Variants in CACNG3 observed in about 807,000 individuals in gnomAD.
The protein encoded by CACNG3 is voltage-dependent calcium channel gamma-3 subunit.
A neutral mutation model predicts 28.5 loss-of-function variants in CACNG3; 3 were observed. The ratio of observed to expected loss-of-function variants is 0.11; its 90% CI spans 0.05 to 0.27. The LOEUF is 0.27. Among genes scored for constraint, CACNG3 ranks in the 10% least tolerant of loss-of-function variants. The pLI is 1.00. For missense variants in CACNG3, 236 were observed against 414.4 expected (o/e 0.57, Z 3.74); for synonymous variants, 174 against 162.2 (o/e 1.07, Z -0.55).
intron 1 of CACNG3, among the ~76,000 whole-genome samples, chr16:24,341,936 G>A (rs560781989): frequency 8.5e-5 from 13 of 152,318 alleles, no homozygotes; most frequent in East Asian, 1.9e-4. Flanking sequence ...GAGAAACTGC[G>A]AATCAGTTTT....
chr16:24,333,915 C>T (rs1052682586), intron 1 of CACNG3, among the ~76,000 whole-genome samples: 4 of 152,120 alleles, frequency 2.6e-5, no homozygotes, highest in Non-Finnish European at 4.4e-5. Context: ...GTAAGAATCC[C>T]TGGGAGCAGA....
At chr16:24,302,417 C>T (rs1287848304) in intron 1 of CACNG3, among the ~76,000 whole-genome samples, 2 of 152,104 alleles carry the variant, frequency 1.3e-5, no homozygotes, top group African/African-American at 4.8e-5. Flanking sequence ...ACGGAGTCAG[C>T]ATCTGCCATC....
intron 1 of CACNG3, among the ~76,000 whole-genome samples, chr16:24,316,768 T>C (rs1381724065): frequency 6.6e-6 from 1 of 152,176 alleles, no homozygotes. Context: ...GCCCAGTTAA[T>C]CTGGCTTCCC....
chr16:24,331,040 A>G (rs1899625007), intron 1 of CACNG3, among the ~76,000 whole-genome samples: 2 of 151,978 alleles, frequency 1.3e-5, no homozygotes, highest in Admixed American at 1.3e-4. Flanking sequence ...CTCTCTCTGT[A>G]CCCCTGCTTT....
chr16:24,317,608 AAGAAAGAAAGAAAGAAAGAC>A (rs1331767949), intron 1 of CACNG3, among the ~76,000 whole-genome samples: 2 of 73,474 alleles, frequency 2.7e-5, no homozygotes, highest in African/African-American at 1.3e-4. Context: ...GAAAGAAAGA[AAGAAAGAAAGAAAGAAAGAC>A]AGACAGAAAG....
chr16:24,271,949 C>A (rs1898696541), intron 1 of CACNG3, among the ~76,000 whole-genome samples: 1 of 152,152 alleles, frequency 6.6e-6, no homozygotes, highest in Non-Finnish European at 1.5e-5. Flanking sequence ...CAGGGGAGAA[C>A]TGACCTCTTC....
intron 1 of CACNG3, among the ~76,000 whole-genome samples, chr16:24,292,980 A>G (rs887134847): frequency 2.6e-5 from 4 of 152,248 alleles, no homozygotes; most frequent in African/African-American, 9.6e-5. Context: ...GGCAGCAGAC[A>G]GAAAATGAGA....
intron 1 of CACNG3, among the ~76,000 whole-genome samples, chr16:24,267,491 C>A (rs1898628913): frequency 6.6e-6 from 1 of 152,024 alleles, no homozygotes; most frequent in Non-Finnish European, 1.5e-5. Context: ...TCTTGCTATG[C>A]AGGCCAGGAT....
rs1049781286 is a variant in CACNG3, at chr16:24,362,042, C to A, written c.*179C>A. 5 of 563,158 alleles carry A rather than the reference C, an allele frequency of 8.9e-6. No individual in the cohort carries two copies. The highest frequency in any genetic ancestry group is 7.5e-5 in the African/African-American group (4 of 53,512). The allele number at this position is 563,158 out of a possible 1,614,324, so 34.9% of individuals were successfully genotyped here. ...ACCCTCCAAGTCCTAACCCCTCCAT[C>A]CTCTCTAACTTTTCAAGCCAATCCC... On this transcript the variant is annotated 3_prime_UTR_variant, in exon 4 of 4. Coordinates refer to ENST00000005284, the MANE Select transcript of CACNG3 (RefSeq NM_006539.4).
chr16:24,331,427 C>T (rs552589423), intron 1 of CACNG3, among the ~76,000 whole-genome samples: 1 of 152,328 alleles, frequency 6.6e-6, no homozygotes, highest in African/African-American at 2.4e-5. Flanking sequence ...CTCGAAGAGG[C>T]ATACCTCTGT....
chr16:24,306,812 C>T (rs926263198), intron 1 of CACNG3, among the ~76,000 whole-genome samples: 3 of 152,166 alleles, frequency 2.0e-5, no homozygotes, highest in Admixed American at 1.3e-4. Context: ...GCCTCACCCC[C>T]ATTTTACAGA....
intron 1 of CACNG3, among the ~76,000 whole-genome samples, chr16:24,261,324 G>A (rs969951557): frequency 1.3e-5 from 2 of 152,154 alleles, no homozygotes; most frequent in Admixed American, 6.5e-5. Flanking sequence ...GTGGCAAACT[G>A]GAAAACACAA....
chr16:24,342,801 A>AT (rs1271647615), intron 1 of CACNG3, among the ~76,000 whole-genome samples: 4 of 151,166 alleles, frequency 2.6e-5, no homozygotes, highest in East Asian at 1.9e-4. Context: ...TATTCTTTCG[A>AT]TTTTTTTTTC....
intron 1 of CACNG3, among the ~76,000 whole-genome samples, chr16:24,306,740 C>G (rs963983070): frequency 2.0e-5 from 3 of 152,140 alleles, no homozygotes; most frequent in Admixed American, 6.5e-5. Context: ...CACTGCCATG[C>G]TAGAGATTCA....
chr16:24,361,760 C>T lies in CACNG3; in HGVS notation c.845C>T (p.Ser282Phe). The change falls in exon 4 of 4, where the codon TCC (serine) becomes TTC (phenylalanine). Residue 282 changes from serine (S) to phenylalanine (F), a missense_variant. By Grantham distance (155) the Ser-to-Phe change is radical (BLOSUM62 -2). Transcript: ENST00000005284. The surrounding 1 kb of genome is among the most constrained non-coding windows in gnomAD (Gnocchi z 6.8). ...ATCACCATGGGGACCCTCCTCAACT[C>T]CGACCGGGACCACGCTTTTCTACAG... ...SKITMGTLLN[S>F]DRDHAFLQFH... The T allele has an allele frequency of 6.2e-7, 1 of 1,614,102 alleles. No individual in the cohort carries two copies. The highest frequency in any genetic ancestry group is 1.1e-5 in the South Asian group (1 of 91,074).
In CACNG3 at chr16:24,345,020, G is replaced by A. The variant is rs1899842327; in HGVS notation, c.212-1714G>A. On this transcript the variant is annotated intron_variant, in intron 1 of 3. Coordinates refer to ENST00000005284, the MANE Select transcript of CACNG3 (RefSeq NM_006539.4). ...CTAATAGCCTCTACCTCCTGGGGTG[G>A]TAAACAAGGGTAAATGAGATAAGGG... is the stretch of plus-strand genomic sequence containing the variant. Among the ~76,000 whole-genome samples the A allele has an allele frequency of 4.6e-5, 7 of 152,128 alleles. No individual in the cohort carries two copies. The South Asian group carries it at 1.4e-3, about 32-fold the overall frequency.
intron 1 of CACNG3, among the ~76,000 whole-genome samples, chr16:24,271,141 G>A (rs911603036): frequency 6.6e-6 from 1 of 152,190 alleles, no homozygotes; most frequent in Non-Finnish European, 1.5e-5. Flanking sequence ...AATTCACCAT[G>A]GCTGAGTCTT....
chr16:24,281,843 T>C (rs1050519305), intron 1 of CACNG3, among the ~76,000 whole-genome samples: 1 of 152,180 alleles, frequency 6.6e-6, no homozygotes, highest in African/African-American at 2.4e-5. Flanking sequence ...CTTTTAACGT[T>C]GAGGAAAACA....
At chr16:24,330,325 A>G (rs528668561) in intron 1 of CACNG3, among the ~76,000 whole-genome samples, 1 of 152,324 alleles carries the variant, frequency 6.6e-6, no homozygotes, top group African/African-American at 2.4e-5. Flanking sequence ...GAAGGCCTCA[A>G]TCCCAAATCT....
Sources: gnomAD v4.1 joint callset for allele counts (sites outside exome capture counted in the v4.1 genomes callset) on GRCh38, gnomAD v4.1.1 for gene constraint, Gnocchi (gnomAD v3.1) non-coding constraint, MANE v1.5 for transcripts, NCBI Gene and HGNC (gene_info 2026-07-23, HGNC 2026-07-21) for gene names.